Variants in DPP6 observed in about 807,000 individuals in gnomAD.
DPP6 encodes the protein dipeptidyl peptidase like 6.
A neutral mutation model predicts 122.6 loss-of-function variants in DPP6; 69 were observed. The ratio of observed to expected loss-of-function variants is 0.56; its 90% CI spans 0.46 to 0.69. The LOEUF (loss-of-function observed/expected upper bound fraction) is 0.69. Among genes scored for constraint, DPP6 ranks in the 30% least tolerant of loss-of-function variants. The pLI, the probability that DPP6 is intolerant of heterozygous loss-of-function variation, is 0.00. For missense variants in DPP6, 928 were observed against 1,116.9 expected, an observed-to-expected ratio of 0.83 and a Z score of 2.41; for synonymous variants, 418 against 433.1, an observed-to-expected ratio of 0.97 and a Z score of 0.43.
chr7:153,934,595 G>C (rs776337072), intron 1 of DPP6, among the ~76,000 whole-genome samples: 21 of 152,068 alleles, frequency 1.4e-4, no homozygotes, highest in African/African-American at 1.9e-4. Context: ...AAAATATAGG[G>C]ATATGCCCAA....
At chr7:153,900,336 G>A (rs1327383483) in intron 1 of DPP6, among the ~76,000 whole-genome samples, 1 of 150,946 alleles carries the variant, frequency 6.6e-6, no homozygotes, top group South Asian at 2.1e-4. Flanking sequence ...CCCATTCCTT[G>A]GTATGTGTTG....
At chr7:154,713,243 C>T (rs1399790518) in intron 7 of DPP6, among the ~76,000 whole-genome samples, 3 of 152,238 alleles carry the variant, frequency 2.0e-5, no homozygotes, top group African/African-American at 7.2e-5. Flanking sequence ...CTCCCAGCTG[C>T]TTTCATGGGC....
intron 1 of DPP6, among the ~76,000 whole-genome samples, chr7:154,370,436 A>T (rs2151117961): frequency 6.6e-6 from 1 of 152,234 alleles, no homozygotes; most frequent in South Asian, 2.1e-4. Flanking sequence ...ATGTTCATCA[A>T]ATCAGCCCAA....
At chr7:154,296,251 C>T (rs1035722193) in intron 1 of DPP6, among the ~76,000 whole-genome samples, 40 of 152,184 alleles carry the variant, frequency 2.6e-4, no homozygotes, top group African/African-American at 9.1e-4. Flanking sequence ...GCTGCCGTTG[C>T]TTCTAATTGC....
At chr7:154,313,717 A>ATATATATATATATATATACG (rs1807158465) in intron 1 of DPP6, among the ~76,000 whole-genome samples, 1 of 38,094 alleles carries the variant, frequency 2.6e-5, no homozygotes, top group African/African-American at 1.3e-4. Flanking sequence ...ATATATATAC[A>ATATATATATATATATATACG]CACACACGCA....
chr7:154,318,882 G>C (rs1308481502), intron 1 of DPP6, among the ~76,000 whole-genome samples: 1 of 152,194 alleles, frequency 6.6e-6, no homozygotes, highest in Non-Finnish European at 1.5e-5. Context: ...GGGCCATGCT[G>C]TCTGGTAGCT....
chr7:154,392,554 C>T (rs902925806), intron 1 of DPP6, among the ~76,000 whole-genome samples: 6 of 152,122 alleles, frequency 3.9e-5, no homozygotes. Flanking sequence ...TTCAGTCATC[C>T]AAGTTGGATT....
intron 8 of DPP6, among the ~76,000 whole-genome samples, chr7:154,766,605 C>T (rs1471435413): frequency 6.6e-6 from 1 of 152,250 alleles, no homozygotes; most frequent in Non-Finnish European, 1.5e-5. Flanking sequence ...AAGTTTCCTT[C>T]TAACCGTTAC....
At position 154,721,241 on chromosome 7, in the gene DPP6, G is replaced by A. The variant is rs942763211; in HGVS notation, c.763-6526G>A. Among the ~76,000 whole-genome samples, 9 of 152,188 alleles carry A rather than the reference G, an allele frequency of 5.9e-5. No individual in the cohort carries two copies. In the South Asian group the frequency reaches 1.7e-3, roughly 28 times the overall value. On this transcript the variant is annotated intron_variant, in intron 7 of 25. Transcript: ENST00000377770. Reference sequence around the variant, plus strand: ...CAAGTTCTGGAACCTGCTGCGTAAGGTCCAATCCTGGCTCCTCCTTCCGCT... The same window carrying A: ...CAAGTTCTGGAACCTGCTGCGTAAGATCCAATCCTGGCTCCTCCTTCCGCT...
intron 1 of DPP6, among the ~76,000 whole-genome samples, chr7:153,935,845 G>T (rs1490540257): frequency 6.6e-6 from 1 of 152,158 alleles, no homozygotes; most frequent in African/African-American, 2.4e-5. Flanking sequence ...CCACACCTGT[G>T]CCCCCTGATA....
chr7:154,438,706 C>T lies in DPP6; in HGVS notation c.244-7508C>T, dbSNP rs141489999. ...CTGAACCTCTCTACTTCATTCCTCT[C>T]ATTCTGTAAATCTGCTTTATTTCCT... On this transcript the variant is annotated intron_variant, in intron 1 of 25. Coordinates refer to ENST00000377770, the MANE Select transcript of DPP6 (RefSeq NM_130797.4). Among the ~76,000 whole-genome samples, 966 of 152,226 alleles carry T rather than the reference C, an allele frequency of 6.3e-3. 5 individuals are homozygous for T. The highest frequency in any genetic ancestry group is 0.014 in the Middle Eastern group (4 of 294).
intron 21 of DPP6, among the ~76,000 whole-genome samples, chr7:154,883,391 C>T: frequency 2.5e-5 from 1 of 39,758 alleles, no homozygotes. Flanking sequence ...CACCTGCTCA[C>T]ACACACACAC....
At chr7:154,650,340 G>A (rs1395113100) in intron 6 of DPP6, among the ~76,000 whole-genome samples, 1 of 151,836 alleles carries the variant, frequency 6.6e-6, no homozygotes, top group Non-Finnish European at 1.5e-5. Context: ...GGAGAGGAAA[G>A]GAGTGGAGAG....
intron 21 of DPP6, chr7:154,884,378 C>T (rs1460727246): frequency 6.7e-6 from 1 of 149,362 alleles, no homozygotes; most frequent in Non-Finnish European, 1.5e-5. Flanking sequence ...ATTACATACA[C>T]CTGCTCATAC....
intron 16 of DPP6, among the ~76,000 whole-genome samples, chr7:154,842,809 G>A (rs567897752): frequency 2.6e-5 from 4 of 152,308 alleles, no homozygotes; most frequent in Middle Eastern, 3.4e-3. Flanking sequence ...CGTAAGCAAA[G>A]GCTGAGCAGA....
intron 8 of DPP6, among the ~76,000 whole-genome samples, chr7:154,743,554 T>C (rs1039420721): frequency 2.6e-5 from 4 of 152,238 alleles, no homozygotes; most frequent in African/African-American, 9.6e-5. Flanking sequence ...CTCAAATGCC[T>C]GCTTTAACAA....
At chr7:153,822,146 G>A in the DPP6 span, among the ~76,000 whole-genome samples, 3 of 145,924 alleles carry the variant, frequency 2.1e-5, no homozygotes, top group Non-Finnish European at 4.5e-5. Context: ...CTGTAGGTGA[G>A]CTGCTCGCAG....
intron 7 of DPP6, among the ~76,000 whole-genome samples, chr7:154,712,324 A>T (rs1047053965): frequency 1.3e-5 from 2 of 152,204 alleles, no homozygotes; most frequent in African/African-American, 4.8e-5. Context: ...ACCTCATTCT[A>T]TCTAATAAAT....
intron 1 of DPP6, among the ~76,000 whole-genome samples, chr7:154,004,670 T>A (rs1328270830): frequency 6.6e-6 from 1 of 151,474 alleles, no homozygotes; most frequent in Admixed American, 6.6e-5. Flanking sequence ...TGTGCACGGT[T>A]TGAAGCTGCA....
Sources: gnomAD v4.1 joint callset for allele counts (sites outside exome capture counted in the v4.1 genomes callset) on GRCh38, gnomAD v4.1.1 for gene constraint, MANE v1.5 for transcripts, NCBI Gene and HGNC (gene_info 2026-07-23, HGNC 2026-07-21) for gene names.